The following GPHN variants were observed in gnomAD, a reference collection of about 807,000 sequenced individuals.
GPHN encodes gephyrin.
GPHN carries 17 observed loss-of-function variants against 95.5 expected under a neutral mutation model. The observed-to-expected ratio is 0.18, with a 90% CI of 0.12 to 0.27. The LOEUF (loss-of-function observed/expected upper bound fraction) is 0.27. GPHN is among the 10% of genes least tolerant of loss of function. The pLI is 1.00. For missense variants in GPHN, 660 were observed against 978.1 expected (o/e 0.67, Z 4.34); for synonymous variants, 320 against 322.5 (o/e 0.99, Z 0.08).
At chr14:66,874,607 G>A (rs766517964) in intron 4 of GPHN, among the ~76,000 whole-genome samples, 1 of 152,104 alleles carries the variant, frequency 6.6e-6, no homozygotes, top group African/African-American at 2.4e-5. Context: ...ACTTCATGAA[G>A]CATACACAAG....
At chr14:67,450,841 T>C in the GPHN span, among the ~76,000 whole-genome samples, 4 of 151,834 alleles carry the variant, frequency 2.6e-5, no homozygotes, top group Non-Finnish European at 5.9e-5. Flanking sequence ...TAACGAGGAG[T>C]TGAATGTTAA....
rs1567349548 is a variant in GPHN, at chr14:67,113,100, G to A, written c.1555G>A (p.Ala519Thr). 1 of 1,613,698 alleles carries A rather than the reference G, an allele frequency of 6.2e-7. No homozygotes were observed. Among genetic ancestry groups the A allele is most frequent in the Non-Finnish European group, 8.5e-7 (1 of 1,179,724 alleles). The change falls in exon 16 of 23, where the codon GCA becomes ACA. Residue 519 changes from alanine (A) to threonine (T), a missense_variant. This residue lies in a region of GPHN where 257 missense variants were observed against 376.2 expected (regional missense o/e 0.68). Coordinates refer to ENST00000478722, the MANE Select transcript of GPHN (RefSeq NM_020806.5). ...HMGPSEIGLL[A>T]TVGVTEVEVN... Reference sequence around the variant, plus strand: ...GGGCCCCTCAGAGATTGGTCTTCTGGCAACTGTAGGTGTCACAGAGGTTGA... The same window carrying A: ...GGGCCCCTCAGAGATTGGTCTTCTGACAACTGTAGGTGTCACAGAGGTTGA...
At chr14:66,952,366 A>G (rs2068161030) in intron 8 of GPHN, among the ~76,000 whole-genome samples, 1 of 150,064 alleles carries the variant, frequency 6.7e-6, no homozygotes, top group Admixed American at 6.6e-5. Flanking sequence ...ATGTATCAGT[A>G]CTCCTTTTTA....
intron 1 of GPHN, among the ~76,000 whole-genome samples, chr14:66,643,196 CACAGCAAAAT>C (rs2064530587): frequency 6.6e-6 from 1 of 151,864 alleles, no homozygotes; most frequent in Non-Finnish European, 1.5e-5. Context: ...AAGCTAAAAC[CACAGCAAAAT>C]ATTTCTACAC....
At chr14:67,600,224 C>A in the GPHN span, 2 of 1,547,800 alleles carry the variant, frequency 1.3e-6, no homozygotes, top group South Asian at 2.4e-5. Context: ...CTCGGCCGCC[C>A]GCACCGCGCG....
chr14:66,748,825 A>G (rs751486431), intron 2 of GPHN, among the ~76,000 whole-genome samples: 1 of 152,008 alleles, frequency 6.6e-6, no homozygotes, highest in Non-Finnish European at 1.5e-5. Flanking sequence ...TTTGCCTAAA[A>G]CGAACTATAA....
intron 1 of GPHN, among the ~76,000 whole-genome samples, chr14:66,541,915 CTTAA>C (rs747239414): frequency 2.0e-5 from 3 of 152,160 alleles, no homozygotes; most frequent in Non-Finnish European, 4.4e-5. Flanking sequence ...ATTTGGGCAA[CTTAA>C]TTAAGTCTTG....
chr14:67,279,853 T>TA, the GPHN span: 1 of 279,376 alleles, frequency 3.6e-6, no homozygotes, highest in Non-Finnish European at 6.6e-6. Context: ...TGCAAAATAC[T>TA]AAAAAAGAAT....
At chr14:67,437,000 G>A in the GPHN span, among the ~76,000 whole-genome samples, 8 of 152,172 alleles carry the variant, frequency 5.3e-5, no homozygotes, top group African/African-American at 1.2e-4. Flanking sequence ...AGGCTGCAGC[G>A]AGCCATGATT....
chr14:67,655,527 C>CT, the GPHN span, among the ~76,000 whole-genome samples: 4,257 of 146,108 alleles, frequency 0.029, 208 homozygotes, highest in African/African-American at 0.1. Flanking sequence ...TTCCCTATTA[C>CT]TTTTTTTTTT....
intron 21 of GPHN, among the ~76,000 whole-genome samples, chr14:67,177,886 A>T (rs962039031): frequency 2.0e-5 from 3 of 152,084 alleles, no homozygotes; most frequent in East Asian, 3.9e-4. Flanking sequence ...TAGGATTGCA[A>T]CCCCTGCTGT....
chr14:66,550,279 A>C (rs538584766), intron 1 of GPHN, among the ~76,000 whole-genome samples: 79 of 152,346 alleles, frequency 5.2e-4, no homozygotes, highest in African/African-American at 1.7e-3. Context: ...CAACATTAAC[A>C]GTAATTTGGA....
chr14:67,267,231 T>C, the GPHN span, among the ~76,000 whole-genome samples: 2 of 152,190 alleles, frequency 1.3e-5, no homozygotes, highest in Non-Finnish European at 1.5e-5. Flanking sequence ...GCTGAATAGG[T>C]ATAACTTCAA....
chr14:67,138,453 A>T (rs775074659), intron 17 of GPHN, among the ~76,000 whole-genome samples: 50 of 152,182 alleles, frequency 3.3e-4, no homozygotes, highest in Admixed American at 5.2e-4. Flanking sequence ...TTTTCTCTCT[A>T]TTATATTATT....
At chr14:67,192,998 CTA>C in the GPHN span, among the ~76,000 whole-genome samples, 2 of 144,318 alleles carry the variant, frequency 1.4e-5, no homozygotes, top group African/African-American at 2.5e-5. Flanking sequence ...CTATATATCT[CTA>C]TATATCAATA....
At chr14:66,923,059 T>A in intron 7 of GPHN, 121 bp downstream of exon 7, 1 of 830,304 alleles carries the variant, frequency 1.2e-6, no homozygotes, top group Non-Finnish European at 2.0e-6. Flanking sequence ...CCTAAAAAAA[T>A]AAGTGGGATG....
chr14:67,228,085 G>T, the GPHN span, among the ~76,000 whole-genome samples: 1 of 151,596 alleles, frequency 6.6e-6, no homozygotes. Flanking sequence ...CATGAAAATT[G>T]CTTGAACCCA....
intron 1 of GPHN, among the ~76,000 whole-genome samples, chr14:66,646,720 G>T (rs2064767034): frequency 1.3e-5 from 2 of 152,094 alleles, no homozygotes; most frequent in Non-Finnish European, 1.5e-5. Context: ...GTTACCAGGG[G>T]TTCAGTGGAG....
chr14:66,789,730 C>T (rs1180033075), intron 3 of GPHN, among the ~76,000 whole-genome samples: 1 of 152,200 alleles, frequency 6.6e-6, no homozygotes, highest in East Asian at 1.9e-4. Context: ...GCCAATCAGC[C>T]CATCCCCATG....
Sources: allele counts gnomAD v4.1 joint callset (sites outside exome capture counted in the v4.1 genomes callset), GRCh38; gene constraint gnomAD v4.1.1; regional missense constraint gnomAD v4.1.1; transcripts MANE v1.5; gene names NCBI Gene and HGNC (gene_info 2026-07-23, HGNC 2026-07-21).